Variants in IPCEF1 observed in about 807,000 individuals in gnomAD.
IPCEF1 encodes the protein interactor protein for cytohesin exchange factors 1.
In IPCEF1, 31 loss-of-function variants were observed where a neutral mutation model predicts 50.9. The observed-to-expected ratio is 0.61, with a 90% confidence interval of 0.46 to 0.82. IPCEF1 has a LOEUF of 0.82. Ranked by LOEUF, IPCEF1 falls within the 40% of genes least tolerant of loss-of-function variation. IPCEF1 has a pLI of 0.00. For synonymous variants in IPCEF1, 181 were observed against 192.0 expected (o/e 0.94, Z 0.47); for missense variants, 458 against 514.0 (o/e 0.89, Z 1.05).
intron 10 of IPCEF1, among the ~76,000 whole-genome samples, chr6:154,194,582 A>T (rs577288412): frequency 6.6e-6 from 1 of 151,802 alleles, no homozygotes; most frequent in East Asian, 1.9e-4. Flanking sequence ...GTACCTCCAA[A>T]CTCTAGATTA....
chr6:154,193,907 A>C (rs1776368184), intron 10 of IPCEF1, among the ~76,000 whole-genome samples: 1 of 152,254 alleles, frequency 6.6e-6, no homozygotes, highest in African/African-American at 2.4e-5. Context: ...TTGATAAAAC[A>C]CAATTCTAGT....
chr6:154,179,500 C>T (rs1023420779), intron 10 of IPCEF1, among the ~76,000 whole-genome samples: 3 of 152,128 alleles, frequency 2.0e-5, no homozygotes, highest in African/African-American at 7.2e-5. Context: ...ATTATTTCCG[C>T]CCCCCCTTAT....
chr6:154,296,622 G>A (rs1490652792), intron 1 of IPCEF1, among the ~76,000 whole-genome samples: 4 of 152,112 alleles, frequency 2.6e-5, no homozygotes, highest in Admixed American at 6.5e-5. Flanking sequence ...GAGGTCAGGA[G>A]ATCAAGACCA....
At chr6:154,227,574 C>T (rs926020634) in intron 5 of IPCEF1, among the ~76,000 whole-genome samples, 2 of 152,030 alleles carry the variant, frequency 1.3e-5, no homozygotes, top group Non-Finnish European at 2.9e-5. Context: ...AAAAATTAGC[C>T]GAGCATGGCA....
intron 2 of IPCEF1, among the ~76,000 whole-genome samples, chr6:154,275,945 C>G (rs1036888128): frequency 2.6e-5 from 4 of 151,978 alleles, no homozygotes; most frequent in Admixed American, 6.6e-5. Flanking sequence ...TTTGGGAGGC[C>G]GAGGCGGGTG....
rs955254778 is a variant in IPCEF1 at position 154,158,871 on chromosome 6, C to G, written c.*957G>C. ...CATATAAACATACAAAAATAAATCC[C>G]TCATGTTTAACTCTTTTGTTGCTTC... is the stretch of plus-strand genomic sequence containing the variant. On this transcript the variant is annotated 3_prime_UTR_variant, in exon 12 of 12. Coordinates refer to ENST00000367220, the MANE Select transcript of IPCEF1 (RefSeq NM_001130700.2). 1 of 152,108 alleles carries G rather than the reference C, an allele frequency of 6.6e-6. No individual in the cohort carries two copies. The highest frequency in any genetic ancestry group is 2.4e-5 in the African/African-American group (1 of 41,430). 9.4% of individuals were successfully genotyped at this position (152,108 alleles called of 1,614,324 possible).
intron 9 of IPCEF1, among the ~76,000 whole-genome samples, chr6:154,209,737 T>G (rs1384346884): frequency 6.6e-6 from 1 of 152,074 alleles, no homozygotes; most frequent in Non-Finnish European, 1.5e-5. Flanking sequence ...GCCTTCCATG[T>G]CTGTTTTTCA....
Position 154,223,196 on chromosome 6 carries a change from T to G in IPCEF1, c.294A>C (p.Glu98Asp), listed in dbSNP as rs1779001531. Residue 98 changes from glutamate to aspartate, a missense_variant, in exon 6 of 12, where the codon GAA becomes GAC. Physicochemically the swap from Glu to Asp is conservative, Grantham distance 45. Transcript: ENST00000367220. ...GCTTTTTCTTGCATTCAGATGCTCTTTCCACAGTGAAATCAGGCAGGTTGA... is the reference window on the plus strand; with the variant it reads ...GCTTTTTCTTGCATTCAGATGCTCTGTCCACAGTGAAATCAGGCAGGTTGA... ...GFVNLPDFTVERASECKKKHA... is the reference protein window; with the variant it reads ...GFVNLPDFTVDRASECKKKHA... 6.2e-7 allele frequency: 1 copy of G among 1,613,840 alleles called. No individual in the cohort carries two copies. The highest frequency in any genetic ancestry group is 1.1e-5 in the South Asian group (1 of 91,070).
intron 3 of IPCEF1, among the ~76,000 whole-genome samples, chr6:154,258,605 A>T (rs959315536): frequency 2.6e-5 from 4 of 152,092 alleles, no homozygotes; most frequent in African/African-American, 9.7e-5. Flanking sequence ...CTCACGCACC[A>T]CCCATGTCCA....
intron 2 of IPCEF1, among the ~76,000 whole-genome samples, chr6:154,278,603 T>C (rs1782125204): frequency 6.6e-6 from 1 of 152,224 alleles, no homozygotes; most frequent in Non-Finnish European, 1.5e-5. Context: ...TCCTTATTCC[T>C]ACATCACATG....
intron 5 of IPCEF1, among the ~76,000 whole-genome samples, chr6:154,238,918 T>C (rs1171099700): frequency 6.6e-6 from 1 of 151,342 alleles, no homozygotes; most frequent in Non-Finnish European, 1.5e-5. Flanking sequence ...GATTCTATAT[T>C]GTTGTTTTTT....
intron 2 of IPCEF1, among the ~76,000 whole-genome samples, chr6:154,278,611 A>G (rs1286595031): frequency 6.6e-6 from 1 of 152,188 alleles, no homozygotes; most frequent in Non-Finnish European, 1.5e-5. Flanking sequence ...CCTACATCAC[A>G]TGCTTGATGG....
At position 154,199,976 on chromosome 6, in the gene IPCEF1, A is replaced by G. The variant is rs1294697684; in HGVS notation, c.602T>C (p.Leu201Pro). The change falls in exon 10 of 12, where the codon CTG becomes CCG. Residue 201 changes from leucine to proline, a missense_variant. Transcript: ENST00000367220. Reference protein sequence around the residue: ...LSGTSYSFSSLENTVKTPSSF... With the variant: ...LSGTSYSFSSPENTVKTPSSF... ...GCTGGGTGTCTTCACTGTATTTTCC[A>G]GGGAAGAGAAAGAATACGACGTTCC... The G allele has an allele frequency of 6.2e-7, 1 of 1,614,232 alleles. No homozygotes were observed. Among genetic ancestry groups the G allele is most frequent in the East Asian group, 2.2e-5 (1 of 44,884 alleles).
At chr6:154,194,798 A>G (rs184461954) in intron 10 of IPCEF1, among the ~76,000 whole-genome samples, 1 of 152,324 alleles carries the variant, frequency 6.6e-6, no homozygotes, top group Admixed American at 6.5e-5. Context: ...AGAGATCTTT[A>G]GCCACCTGAC....
At chr6:154,245,691 T>C (rs1174331570) in intron 5 of IPCEF1, among the ~76,000 whole-genome samples, 1 of 152,146 alleles carries the variant, frequency 6.6e-6, no homozygotes, top group African/African-American at 2.4e-5. Flanking sequence ...TTCCCTTAAT[T>C]GACTAAAGGC....
chr6:154,294,924 C>T lies in IPCEF1; in HGVS notation c.-61-5168G>A, dbSNP rs1342265407. ...TTTTTAAAAAAAGTACTTGGCCGGGCGTGGTAACTCATGCCTGTAATCCCA... is the reference window on the plus strand; with the variant it reads ...TTTTTAAAAAAAGTACTTGGCCGGGTGTGGTAACTCATGCCTGTAATCCCA... On this transcript the variant is annotated intron_variant, in intron 1 of 11. Transcript: ENST00000367220. Among the ~76,000 whole-genome samples the T allele has an allele frequency of 7.2e-5, 11 of 151,976 alleles. No homozygotes were observed. In the East Asian group the frequency reaches 1.2e-3, roughly 16 times the overall value.
intron 1 of IPCEF1, among the ~76,000 whole-genome samples, chr6:154,354,396 AACCACCATCTCC>A (rs1253436297): frequency 2.7e-3 from 52 of 19,434 alleles, no homozygotes; most frequent in Non-Finnish European, 4.3e-3. Context: ...CGTCACCTCC[AACCACCATCTCC>A]ACCACCACCT....
At chr6:154,350,269 C>A (rs1245031392) in intron 1 of IPCEF1, among the ~76,000 whole-genome samples, 1 of 152,142 alleles carries the variant, frequency 6.6e-6, no homozygotes, top group African/African-American at 2.4e-5. Flanking sequence ...TATTTCAATA[C>A]AAACTGAGGT....
chr6:154,175,391 T>TG, intron 10 of IPCEF1, among the ~76,000 whole-genome samples: 1 of 151,326 alleles, frequency 6.6e-6, no homozygotes, highest in African/African-American at 2.4e-5. Flanking sequence ...AGGAGCTTTT[T>TG]TTTTTTTGAA....
Sources: allele counts gnomAD v4.1 joint callset (sites outside exome capture counted in the v4.1 genomes callset), GRCh38; gene constraint gnomAD v4.1.1; transcripts MANE v1.5; gene names NCBI Gene and HGNC (gene_info 2026-07-23, HGNC 2026-07-21).